Variants in L3MBTL1 observed in about 807,000 individuals in gnomAD.
L3MBTL1 encodes the protein lethal(3)malignant brain tumor-like protein 1.
A neutral mutation model predicts 105.3 loss-of-function variants in L3MBTL1; 75 were observed. The ratio of observed to expected loss-of-function variants is 0.71; its 90% CI spans 0.59 to 0.86. The LOEUF (loss-of-function observed/expected upper bound fraction) is 0.86. Among genes scored for constraint, L3MBTL1 ranks in the 40% least tolerant of loss-of-function variants. The probability of loss-of-function intolerance (pLI) is 0.00; values close to 1 mark genes in which losing one functional copy is unlikely to be tolerated. For synonymous variants in L3MBTL1, 452 were observed against 436.2 expected, an observed-to-expected ratio of 1.04 and a Z score of -0.45; for missense variants, 1,069 against 1,126.4, an observed-to-expected ratio of 0.95 and a Z score of 0.73.
chr20:43,519,840 GT>G (rs1349908156), intron 7 of L3MBTL1, among the ~76,000 whole-genome samples: 2 of 152,314 alleles, frequency 1.3e-5, no homozygotes, highest in Non-Finnish European at 2.9e-5. Context: ...GGAGCAGAAA[GT>G]TCGTTTTGAT....
intron 8 of L3MBTL1, 129 bp from the exon 9 acceptor site, chr20:43,529,135 C>A (rs182454003): frequency 3.0e-6 from 2 of 668,514 alleles, no homozygotes; most frequent in Non-Finnish European, 5.4e-6. Context: ...TAGTAACGAT[C>A]CCCAAATAAG....
rs2019528395 is a variant in L3MBTL1, at chr20:43,534,921, C to T, written c.1804C>T (p.His602Tyr). The change falls in exon 16 of 22, where the codon CAT (histidine) becomes TAT (tyrosine). Residue 602 changes from histidine to tyrosine, a missense_variant. Physicochemically the swap from His to Tyr is moderately conservative, Grantham distance 83. Coordinates refer to ENST00000418998, the MANE Select transcript of L3MBTL1 (RefSeq NM_001377303.1). Reference protein sequence around the residue: ...HPAGWCSKTGHPLQPPLGPRE... With the variant: ...HPAGWCSKTGYPLQPPLGPRE... The stretch of plus-strand genomic sequence containing the variant: ...TGCCGGCTGGTGCTCCAAGACAGGA[C>T]ATCCCCTGCAGCCTCCTCTCGGTGT... 1 of 1,606,218 alleles carries T rather than the reference C, an allele frequency of 6.2e-7. No individual in the cohort carries two copies. Among genetic ancestry groups the T allele is most frequent in the Admixed American group, 1.7e-5 (1 of 59,226 alleles).
intron 6 of L3MBTL1, 52 bp downstream of exon 6, chr20:43,515,467 A>G (rs1268425383): frequency 6.5e-6 from 10 of 1,529,148 alleles, no homozygotes; most frequent in Non-Finnish European, 8.8e-6. Context: ...CTATGCCTCA[A>G]TTCCCACTGT....
At position 43,535,100 on chromosome 20, in the gene L3MBTL1, G is replaced by A. The variant is rs781322317; in HGVS notation, c.1825+158G>A. 8.6e-5 allele frequency among the ~76,000 whole-genome samples: 13 copies of A among 151,966 alleles called. 1 individual carries two copies. Among genetic ancestry groups the A allele is most frequent in the Non-Finnish European group, 1.6e-4 (11 of 67,978 alleles). On this transcript the variant is annotated intron_variant, in intron 16 of 21. Transcript: ENST00000418998. ...AGAATCCCCCATCTGCCCCACCCCC[G>A]GACCATCTGCTACACTAAGCAGTGC...
chr20:43,515,915 C>G (rs2018363093), intron 6 of L3MBTL1, 178 bp from the exon 7 acceptor site: 4 of 590,728 alleles, frequency 6.8e-6, no homozygotes, highest in African/African-American at 1.9e-5. Context: ...AGTCTGTGCT[C>G]AAGTGATAGG....
downstream of L3MBTL1, among the ~76,000 whole-genome samples, chr20:43,545,403 C>T (rs553993080): frequency 1.4e-4 from 22 of 152,008 alleles, no homozygotes; most frequent in African/African-American, 4.6e-4. Context: ...CAGAGCCAGA[C>T]CGGCATGAGG....
In L3MBTL1 at chr20:43,515,549, G is replaced by C. The variant is rs577411761; in HGVS notation, c.777+134G>C. On this transcript the variant is annotated intron_variant, in intron 6 of 21. Transcript: ENST00000418998. Reference sequence around the variant, plus strand: ...ATAATGACTCACTCATCATATTTTGGGGTCCCATCCTGAGTTAGGTCCTAT... The same window carrying C: ...ATAATGACTCACTCATCATATTTTGCGGTCCCATCCTGAGTTAGGTCCTAT... The C allele has an allele frequency of 9.0e-5, 113 of 1,252,690 alleles. 1 individual carries two copies. Among genetic ancestry groups the C allele is most frequent in the South Asian group, 4.9e-4 (32 of 65,268 alleles). 77.6% of individuals were successfully genotyped at this position (1,252,690 alleles called of 1,614,324 possible).
chr20:43,533,373 G>C lies in L3MBTL1; in HGVS notation c.1468G>C (p.Val490Leu), dbSNP rs1183148700. The C allele has an allele frequency of 6.2e-7, 1 of 1,613,888 alleles. No individual in the cohort carries two copies. Among genetic ancestry groups the C allele is most frequent in the Admixed American group, 1.7e-5 (1 of 59,978 alleles). ...CDPSSPYIHP[V>L]GWCQKQGKPL... The stretch of plus-strand genomic sequence containing the variant: ...TCCCAGCAGCCCCTACATCCACCCA[G>C]TGGGCTGGTGCCAGAAGCAAGGAAA... Residue 490 changes from valine (V) to leucine (L), a missense_variant, in exon 13 of 22, where the codon GTG becomes CTG. By Grantham distance (32) the Val-to-Leu change is conservative. Transcript: ENST00000418998.
At chr20:43,522,254 C>T (rs1173785076) in intron 7 of L3MBTL1, among the ~76,000 whole-genome samples, 1 of 151,960 alleles carries the variant, frequency 6.6e-6, no homozygotes, top group Non-Finnish European at 1.5e-5. Flanking sequence ...ACTCAGGAGG[C>T]TAAGGCAGGA....
rs1254173672 is a variant in L3MBTL1 at position 43,534,344 on chromosome 20, G to GC, written c.1663dup (p.Leu555ProfsTer20). 2 of 1,614,030 alleles carry GC rather than the reference G, an allele frequency of 1.2e-6. No homozygotes were observed. On this transcript the variant is annotated frameshift_variant, in exon 15 of 22. Transcript: ENST00000418998. LOFTEE classifies it high-confidence loss of function. ...GGAGGCTGTGGACCGCAGGAACCCAGCCCTGATTCGCGTGGCCAGCGTGGA... is the reference window on the plus strand; with the variant it reads ...GGAGGCTGTGGACCGCAGGAACCCAGCCCCTGATTCGCGTGGCCAGCGTGGA...
rs972001034 is a variant in L3MBTL1 at position 43,510,561 on chromosome 20, C to T, written c.-29+2817C>T. ...CTGGGATTACAGGCGCCTGCCACCA[C>T]ACCTGGCTATTTTTTTTTTATTTTT... On this transcript the variant is annotated intron_variant, in intron 1 of 21. Transcript: ENST00000418998. Among the ~76,000 whole-genome samples, 28 of 151,658 alleles carry T rather than the reference C, an allele frequency of 1.8e-4. No homozygotes were observed. The East Asian group carries it at 3.3e-3, about 18-fold the overall frequency.
chr20:43,530,492 C>A, intron 10 of L3MBTL1, 73 bp downstream of exon 10: 1 of 1,501,082 alleles, frequency 6.7e-7, no homozygotes, highest in Non-Finnish European at 9.0e-7. Flanking sequence ...CTTGGGTCCC[C>A]GGCTTCCAGC....
intron 20 of L3MBTL1, 23 bp downstream of exon 20, chr20:43,540,331 T>C (rs1306958561): frequency 6.2e-7 from 1 of 1,609,332 alleles, no homozygotes; most frequent in East Asian, 2.2e-5. Flanking sequence ...GGCCCTTCTT[T>C]ATCCTTCTCT....
At position 43,540,788 on chromosome 20, in the gene L3MBTL1, G is replaced by A. The variant is rs1175592921; in HGVS notation, c.2367G>A (p.Glu789=). 1.9e-6 allele frequency: 3 copies of A among 1,614,088 alleles called. No individual in the cohort carries two copies. The highest frequency in any genetic ancestry group is 2.5e-6 in the Non-Finnish European group (3 of 1,180,048). The change falls in exon 21 of 22, where the codon GAG becomes GAA. Residue 789 remains glutamate, a synonymous_variant. Transcript: ENST00000418998. ...FGFVQTLTGC[E]DQARLFKDEA... is the part of the protein sequence containing the mutation. The stretch of plus-strand genomic sequence containing the variant: ...TTGTTCAGACCCTGACAGGTTGTGA[G>A]GACCAAGCACGCCTCTTCAAAGACG...
chr20:43,516,292 C>T, intron 7 of L3MBTL1, 115 bp downstream of exon 7: 1 of 747,750 alleles, frequency 1.3e-6, no homozygotes. Context: ...CATAAATGAG[C>T]ATGAGTTAGT....
intron 19 of L3MBTL1, among the ~76,000 whole-genome samples, chr20:43,538,472 C>T (rs2019744682): frequency 6.6e-6 from 1 of 152,156 alleles, no homozygotes; most frequent in South Asian, 2.1e-4. Context: ...TGGCCTGTCA[C>T]CCAGAAGAGC....
chr20:43,529,126 A>G (rs2019190426), intron 8 of L3MBTL1, 138 bp from the exon 9 acceptor site: 1 of 657,308 alleles, frequency 1.5e-6, no homozygotes. Context: ...AGATCCCTGT[A>G]GTAACGATCC....
At chr20:43,546,153 G>C (rs1194407387), downstream of L3MBTL1, among the ~76,000 whole-genome samples, 1 of 152,226 alleles carries the variant, frequency 6.6e-6, no homozygotes, top group Non-Finnish European at 1.5e-5. Flanking sequence ...TGCTGACAGT[G>C]GGCAGGCCTT....
At chr20:43,545,848 C>T (rs1489254882), downstream of L3MBTL1, among the ~76,000 whole-genome samples, 1 of 152,196 alleles carries the variant, frequency 6.6e-6, no homozygotes, top group East Asian at 1.9e-4. Context: ...ACTGTTTTCT[C>T]AGAGCTGCTG....
Sources: gnomAD v4.1 joint callset for allele counts (sites outside exome capture counted in the v4.1 genomes callset) on GRCh38, gnomAD v4.1.1 for gene constraint, MANE v1.5 for transcripts, NCBI Gene and HGNC (gene_info 2026-07-23, HGNC 2026-07-21) for gene names.